The following ZC3H3 variants were observed in gnomAD, a reference collection of about 807,000 sequenced individuals.
ZC3H3 encodes the protein zinc finger CCCH-type containing 3.
A neutral mutation model predicts 77.3 loss-of-function variants in ZC3H3; 36 were observed. The ratio of observed to expected loss-of-function variants is 0.47; its 90% CI spans 0.36 to 0.61. The LOEUF (loss-of-function observed/expected upper bound fraction) is 0.61. Ranked by LOEUF, ZC3H3 falls within the 20% of genes least tolerant of loss-of-function variation. ZC3H3 has a pLI of 0.00. For synonymous variants in ZC3H3, 626 were observed against 555.2 expected (o/e 1.13, Z -1.79); for missense variants, 1,331 against 1,312.2 (o/e 1.01, Z -0.22).
chr8:143,473,876 A>T (rs1820649590), intron 5 of ZC3H3, among the ~76,000 whole-genome samples: 1 of 152,154 alleles, frequency 6.6e-6, no homozygotes, highest in South Asian at 2.1e-4. Context: ...CCAGGGGCTT[A>T]TACTTCACTC....
chr8:143,506,811 G>C (rs1056967161), intron 4 of ZC3H3, among the ~76,000 whole-genome samples: 6 of 152,154 alleles, frequency 3.9e-5, no homozygotes, highest in Non-Finnish European at 5.9e-5. Flanking sequence ...CCATACTGGT[G>C]GGTGGATCCC....
At chr8:143,480,668 T>C (rs911209641) in intron 4 of ZC3H3, among the ~76,000 whole-genome samples, 1 of 152,148 alleles carries the variant, frequency 6.6e-6, no homozygotes, top group African/African-American at 2.4e-5. Flanking sequence ...GACAAACCAA[T>C]GCGGCTCCTC....
chr8:143,531,876 TC>T (rs1822622326), intron 3 of ZC3H3, among the ~76,000 whole-genome samples: 1 of 152,214 alleles, frequency 6.6e-6, no homozygotes, highest in Non-Finnish European at 1.5e-5. Context: ...ATGTTTAAAA[TC>T]TTTTCCCTGA....
chr8:143,482,944 C>T (rs1264564480), intron 4 of ZC3H3, among the ~76,000 whole-genome samples: 1 of 152,198 alleles, frequency 6.6e-6, no homozygotes, highest in African/African-American at 2.4e-5. Context: ...GCCTTCTAGG[C>T]CGGGGTTGTG....
rs753358567 is a variant in ZC3H3 at position 143,468,498 on chromosome 8, C to A, written c.1989G>T (p.Arg663=). The A allele has an allele frequency of 1.9e-6, 3 of 1,608,184 alleles. No homozygotes were observed. The highest frequency in any genetic ancestry group is 2.5e-6 in the Non-Finnish European group (3 of 1,178,052). ...QRSLAIIRQA[R]QRREKRKEYC... is the part of the protein sequence containing the mutation. ...ACTCCTTCCTCTTCTCCCTGCGCTGCCGCGCCTGCCGGATGATGGCCAGGC... is the reference window on the plus strand; with the variant it reads ...ACTCCTTCCTCTTCTCCCTGCGCTGACGCGCCTGCCGGATGATGGCCAGGC... The change falls in exon 7 of 12, where the codon CGG becomes CGT. Residue 663 remains arginine, a synonymous_variant. Coordinates refer to ENST00000262577, the MANE Select transcript of ZC3H3 (RefSeq NM_015117.3).
At chr8:143,523,069 C>G (rs535751656) in intron 3 of ZC3H3, among the ~76,000 whole-genome samples, 2 of 152,210 alleles carry the variant, frequency 1.3e-5, no homozygotes, top group Admixed American at 6.5e-5. Context: ...GGGCTAGTGA[C>G]GGGGCAATCT....
chr8:143,466,197 G>C (rs1441079703), intron 8 of ZC3H3, among the ~76,000 whole-genome samples: 1 of 151,910 alleles, frequency 6.6e-6, no homozygotes, highest in African/African-American at 2.4e-5. Context: ...CCAACCACTA[G>C]CCTGTGGCCA....
chr8:143,461,489 T>A (rs1198192366), intron 9 of ZC3H3, among the ~76,000 whole-genome samples: 2 of 152,138 alleles, frequency 1.3e-5, no homozygotes, highest in Non-Finnish European at 2.9e-5. Flanking sequence ...CCTATGGCCC[T>A]GCAATTCCAC....
intron 4 of ZC3H3, among the ~76,000 whole-genome samples, chr8:143,481,164 A>C (rs1186432835): frequency 1.3e-5 from 2 of 152,178 alleles, no homozygotes; most frequent in Non-Finnish European, 2.9e-5. Context: ...GATTGCAGGC[A>C]GCCCTGGGAA....
At chr8:143,540,680 G>A (rs1822981995) in intron 1 of ZC3H3, among the ~76,000 whole-genome samples, 1 of 151,176 alleles carries the variant, frequency 6.6e-6, no homozygotes, top group Admixed American at 6.6e-5. Context: ...TCGAGGCTGG[G>A]AGCGGTGGCT....
chr8:143,519,547 C>T (rs1822173154), intron 3 of ZC3H3, among the ~76,000 whole-genome samples: 3 of 152,178 alleles, frequency 2.0e-5, no homozygotes, highest in African/African-American at 4.8e-5. Flanking sequence ...TCAGGCTGCC[C>T]GGAGGCAAGC....
intron 5 of ZC3H3, among the ~76,000 whole-genome samples, chr8:143,472,075 C>T (rs760280611): frequency 1.3e-5 from 2 of 152,360 alleles, no homozygotes; most frequent in Non-Finnish European, 2.9e-5. Flanking sequence ...CGATGGCAGG[C>T]GGGCCTCCCC....
chr8:143,495,778 T>TTA (rs1554643330), intron 4 of ZC3H3, among the ~76,000 whole-genome samples: 3 of 148,750 alleles, frequency 2.0e-5, no homozygotes, highest in Non-Finnish European at 4.4e-5. Flanking sequence ...TTTTTTTTTT[T>TTA]AACTGTAGAG....
intron 5 of ZC3H3, among the ~76,000 whole-genome samples, chr8:143,470,922 T>A (rs1820545013): frequency 6.6e-6 from 1 of 152,152 alleles, no homozygotes; most frequent in African/African-American, 2.4e-5. Flanking sequence ...GAACTTTCAC[T>A]TCCCCGGGAT....
At chr8:143,491,125 T>C (rs7817510) in intron 4 of ZC3H3, among the ~76,000 whole-genome samples, 2,691 of 152,154 alleles carry the variant, frequency 0.018, 78 homozygotes, top group African/African-American at 0.061. Flanking sequence ...GACACACACA[T>C]ATCCACGGCT....
In ZC3H3 at chr8:143,484,960, C is replaced by T. The variant is rs150961623; in HGVS notation, c.1716-9375G>A. 2,590 of 431,326 alleles carry T rather than the reference C, an allele frequency of 6.0e-3. 29 individuals carry two copies. The highest frequency in any genetic ancestry group is 0.012 in the South Asian group (710 of 60,674). The allele number at this position is 431,326 out of a possible 1,614,324, so 26.7% of individuals were successfully genotyped here. On this transcript the variant is annotated intron_variant, in intron 4 of 11. Coordinates refer to ENST00000262577, the MANE Select transcript of ZC3H3 (RefSeq NM_015117.3). ...AGGACAGTGGTATCTGCAAAAACCA[C>T]GGGAAAACCACAATAAAAACCCACT...
intron 4 of ZC3H3, among the ~76,000 whole-genome samples, chr8:143,483,693 G>A (rs535848365): frequency 2.6e-5 from 4 of 152,316 alleles, no homozygotes; most frequent in South Asian, 2.1e-4. Flanking sequence ...TGGTGGCCAC[G>A]CAGGCCTCAC....
At chr8:143,497,007 C>G (rs1260489364) in intron 4 of ZC3H3, among the ~76,000 whole-genome samples, 3 of 152,246 alleles carry the variant, frequency 2.0e-5, no homozygotes, top group Non-Finnish European at 4.4e-5. Flanking sequence ...CCGGGGGCAC[C>G]AGGGCTCCGC....
intron 3 of ZC3H3, among the ~76,000 whole-genome samples, chr8:143,528,188 G>C (rs1356462091): frequency 2.0e-5 from 3 of 152,210 alleles, no homozygotes; most frequent in Non-Finnish European, 4.4e-5. Context: ...GGCCCTGCGT[G>C]CTCCTGCCTC....
Sources: gnomAD v4.1 joint callset for allele counts (sites outside exome capture counted in the v4.1 genomes callset) on GRCh38, gnomAD v4.1.1 for gene constraint, MANE v1.5 for transcripts, NCBI Gene and HGNC (gene_info 2026-07-23, HGNC 2026-07-21) for gene names.